Variants in TIE1 observed in about 807,000 individuals in gnomAD.
TIE1 encodes the protein tyrosine-protein kinase receptor Tie-1.
A neutral mutation model predicts 130.5 loss-of-function variants in TIE1; 89 were observed. The observed-to-expected ratio is 0.68, with a 90% CI of 0.57 to 0.81. TIE1 has a LOEUF of 0.81. Ranked by LOEUF, TIE1 falls within the 40% of genes least tolerant of loss-of-function variation. The pLI is 0.00. For synonymous variants in TIE1, 568 were observed against 629.4 expected (o/e 0.90, Z 1.46); for missense variants, 1,392 against 1,559.8 (o/e 0.89, Z 1.81).
intron 1 of TIE1, among the ~76,000 whole-genome samples, chr1:43,302,793 G>T (rs1646682466): frequency 6.6e-6 from 1 of 152,126 alleles, no homozygotes; most frequent in African/African-American, 2.4e-5. Flanking sequence ...GTTGCAGAAG[G>T]AGGGGCTGTG....
Position 43,319,671 on chromosome 1 carries a change from G to C in TIE1, c.3107+142G>C. 1.2e-6 allele frequency: 1 copy of C among 829,652 alleles called. No homozygotes were observed. The allele number at this position is 829,652 out of a possible 1,614,324, so 51.4% of individuals were successfully genotyped here. On this transcript the variant is annotated intron_variant, in intron 19 of 22. Transcript: ENST00000372476. This position sits in a 1 kb window ranked among gnomAD's most constrained non-coding sequence, Gnocchi z 4.7. ...CAGGTGTGACACAGGTGTGTCTTGG[G>C]TATAAAGTACCTAGCCAAGGTGGGG...
rs2153911719 is a variant in TIE1, at chr1:43,311,771, C to T, written c.1434C>T (p.Ser478=). The change falls in exon 10 of 23, where the codon TCC becomes TCT. Residue 478 remains serine, a synonymous_variant. Transcript: ENST00000372476. ...LVSFSGDGPI[S]TVRLHYRPQD... ...CGTTCTCTGGGGATGGACCCATCTC[C>T]ACTGTCCGCCTGCACTACCGGCCCC... 1 of 1,614,152 alleles carries T rather than the reference C, an allele frequency of 6.2e-7. No individual in the cohort carries two copies. Among genetic ancestry groups the T allele is most frequent in the Non-Finnish European group, 8.5e-7 (1 of 1,180,012 alleles).
chr1:43,314,016 A>C (rs1279009564), intron 14 of TIE1, 48 bp downstream of exon 14: 2 of 1,592,068 alleles, frequency 1.3e-6, no homozygotes, highest in Non-Finnish European at 8.6e-7. Context: ...GCCCGTGTTT[A>C]TGTTTCTACC....
chr1:43,313,216 T>C lies in TIE1; in HGVS notation c.2009T>C (p.Leu670Pro). ...CTGACATGGAAGCACCCGGAGGCTC[T>C]GCCTGGGCCAATATCCAAGTACGTT... ...IQLTWKHPEA[L>P]PGPISKYVVE... The change falls in exon 13 of 23, where the codon CTG becomes CCG. Residue 670 changes from leucine to proline, a missense_variant. Physicochemically the swap from Leu to Pro is moderately conservative, Grantham distance 98 (BLOSUM62 -3). Coordinates refer to ENST00000372476, the MANE Select transcript of TIE1 (RefSeq NM_005424.5). The surrounding 1 kb of genome is among the most constrained non-coding windows in gnomAD (Gnocchi z 6.2). 6.2e-7 allele frequency: 1 copy of C among 1,613,956 alleles called. No individual in the cohort carries two copies. Among genetic ancestry groups the C allele is most frequent in the Non-Finnish European group, 8.5e-7 (1 of 1,179,916 alleles).
Position 43,311,707 on chromosome 1 carries a change from C to T in TIE1, c.1370C>T (p.Thr457Ile). The T allele has an allele frequency of 6.2e-7, 1 of 1,613,954 alleles. No homozygotes were observed. Among genetic ancestry groups the T allele is most frequent in the Non-Finnish European group, 8.5e-7 (1 of 1,179,966 alleles). The part of the protein sequence containing the change: ...PVPLAAPRLL[T>I]KQSRQLVVSP... ...CCCCTGGCTGCACCTCGGCTCCTGA[C>T]CAAGCAGAGCCGCCAGCTTGTGGTC... The change falls in exon 10 of 23, where the codon ACC becomes ATC. Residue 457 changes from threonine to isoleucine, a missense_variant. Transcript: ENST00000372476.
intron 7 of TIE1, 200 bp from the exon 8 acceptor site, chr1:43,308,786 A>T (rs549651673): frequency 5.7e-6 from 4 of 706,934 alleles, no homozygotes; most frequent in South Asian, 4.5e-5. Context: ...GGAAGTGGGG[A>T]GGTGGTTAGG....
At chr1:43,302,856 G>A (rs950378065) in intron 1 of TIE1, among the ~76,000 whole-genome samples, 2 of 151,924 alleles carry the variant, frequency 1.3e-5, no homozygotes, top group Admixed American at 6.6e-5. Flanking sequence ...AAGGCAGGCT[G>A]GGGGGGTGGG....
At position 43,312,214 on chromosome 1, in the gene TIE1, G is replaced by A. The variant is rs577496336; in HGVS notation, c.1630+83G>A. Reference sequence around the variant, plus strand: ...CCAGGGACCCCTGCCTTTCCCACTGGAGGTTGTTCTTCCTTGTTCACTGGG... The same window carrying A: ...CCAGGGACCCCTGCCTTTCCCACTGAAGGTTGTTCTTCCTTGTTCACTGGG... On this transcript the variant is annotated intron_variant, in intron 11 of 22. Coordinates refer to ENST00000372476, the MANE Select transcript of TIE1 (RefSeq NM_005424.5). This position sits in a 1 kb window ranked among gnomAD's most constrained non-coding sequence, Gnocchi z 5.6. 3 of 1,513,610 alleles carry A rather than the reference G, an allele frequency of 2.0e-6. No homozygotes were observed. The African/African-American group carries it at 4.2e-5, about 21-fold the overall frequency. 93.8% of individuals were successfully genotyped at this position (1,513,610 alleles called of 1,614,324 possible).
rs1408194086 is a variant in TIE1 at position 43,316,164 on chromosome 1, C to T, written c.2410-1035C>T. Among the ~76,000 whole-genome samples, 1 of 152,242 alleles carries T rather than the reference C, an allele frequency of 6.6e-6. No individual in the cohort carries two copies. Among genetic ancestry groups the T allele is most frequent in the Admixed American group, 6.5e-5 (1 of 15,286 alleles). Reference sequence around the variant, plus strand: ...ATGTATGAGTGCACACGTGCATCCCCTGTGAGTGCCACATGTTTAAATGCG... The same window carrying T: ...ATGTATGAGTGCACACGTGCATCCCTTGTGAGTGCCACATGTTTAAATGCG... On this transcript the variant is annotated intron_variant, in intron 14 of 22. Coordinates refer to ENST00000372476, the MANE Select transcript of TIE1 (RefSeq NM_005424.5). The surrounding 1 kb of genome is among the most constrained non-coding windows in gnomAD (Gnocchi z 4.4).
At chr1:43,305,402 A>C in intron 3 of TIE1, 59 bp downstream of exon 3, 4 of 1,434,300 alleles carry the variant, frequency 2.8e-6, no homozygotes, top group Non-Finnish European at 3.7e-6. Context: ...AGGCCCCAAC[A>C]CTTTCATGAC....
In TIE1 at chr1:43,318,210, G is replaced by A. The variant is rs557587373; in HGVS notation, c.2922+138G>A. 10 of 1,124,338 alleles carry A rather than the reference G, an allele frequency of 8.9e-6. No homozygotes were observed. Among genetic ancestry groups the A allele is most frequent in the South Asian group, 3.4e-5 (2 of 59,664 alleles). The allele number at this position is 1,124,338 out of a possible 1,614,324, so 69.6% of individuals were successfully genotyped here. ...GTGTGTGGGTGGGTGCAAGCACAGC[G>A]AGGAGGCAGGGCCAAGGGGCAGGTC... On this transcript the variant is annotated intron_variant, in intron 17 of 22. Coordinates refer to ENST00000372476, the MANE Select transcript of TIE1 (RefSeq NM_005424.5). This position sits in a 1 kb window ranked among gnomAD's most constrained non-coding sequence, Gnocchi z 4.4.
In TIE1 at chr1:43,312,729, G is replaced by A; in HGVS notation, c.1927+128G>A. The A allele has an allele frequency of 8.7e-7, 1 of 1,146,412 alleles. No homozygotes were observed. Among genetic ancestry groups the A allele is most frequent in the Non-Finnish European group, 1.2e-6 (1 of 828,072 alleles). The allele number at this position is 1,146,412 out of a possible 1,614,324, so 71.0% of individuals were successfully genotyped here. On this transcript the variant is annotated intron_variant, in intron 12 of 22. Transcript: ENST00000372476. The surrounding 1 kb of genome is among the most constrained non-coding windows in gnomAD (Gnocchi z 5.6). ...ATGGAGAGGACACAGGACACACATA[G>A]GGTATTAGGCAGACGTGACCCCAGC...
At chr1:43,321,901 C>T (rs1284060035) in intron 22 of TIE1, among the ~76,000 whole-genome samples, 186 bp downstream of exon 22, 1 of 152,226 alleles carries the variant, frequency 6.6e-6, no homozygotes, top group African/African-American at 2.4e-5. Context: ...GGTTTAGACA[C>T]CAGGCCCTTC....
chr1:43,301,049 T>C lies in TIE1; in HGVS notation c.-23T>C. Reference sequence around the variant, plus strand: ...GACCCCAGGCCCAGCTCGTCCTGGCTGGCCTGGGTCGGCCTCTGGAGTATG... The same window carrying C: ...GACCCCAGGCCCAGCTCGTCCTGGCCGGCCTGGGTCGGCCTCTGGAGTATG... On this transcript the variant is annotated 5_prime_UTR_variant, in exon 1 of 23. Transcript: ENST00000372476. 1 of 1,613,234 alleles carries C rather than the reference T, an allele frequency of 6.2e-7. No individual in the cohort carries two copies. The highest frequency in any genetic ancestry group is 8.5e-7 in the Non-Finnish European group (1 of 1,179,618).
intron 7 of TIE1, 134 bp downstream of exon 7, chr1:43,308,058 G>C: frequency 7.5e-7 from 1 of 1,325,222 alleles, no homozygotes; most frequent in African/African-American, 1.5e-5. Context: ...CTTAGAGTCT[G>C]ATGGACAGGG....
rs1176642415 is a variant in TIE1, at chr1:43,322,100, GAGT to G, written c.3345+386_3345+388del. Among the ~76,000 whole-genome samples, 1 of 152,222 alleles carries G rather than the reference GAGT, an allele frequency of 6.6e-6. No homozygotes were observed. Among genetic ancestry groups the G allele is most frequent in the Non-Finnish European group, 1.5e-5 (1 of 68,038 alleles). The stretch of plus-strand genomic sequence containing the variant: ...TAACCAGATGGATGGATGGGTGAAT[GAGT>G]GATACAGTAACCGTATGAATGAATG... On this transcript the variant is annotated intron_variant, in intron 22 of 22. Coordinates refer to ENST00000372476, the MANE Select transcript of TIE1 (RefSeq NM_005424.5). This position sits in a 1 kb window ranked among gnomAD's most constrained non-coding sequence, Gnocchi z 4.0.
At chr1:43,314,371 T>C in intron 14 of TIE1, 3 of 1,139,612 alleles carry the variant, frequency 2.6e-6, no homozygotes, top group Non-Finnish European at 3.3e-6. Flanking sequence ...ATGCTGGCTT[T>C]TGTCCTTGCA....
In TIE1 at chr1:43,321,253, A is replaced by C; in HGVS notation, c.3108-16A>C. On this transcript the variant is annotated splice_polypyrimidine_tract_variant and intron_variant, in intron 19 of 22. Transcript: ENST00000372476. The stretch of plus-strand genomic sequence containing the variant: ...CAGGGCCTAGAAGGTAACTAAGTGC[A>C]TCCTTCTTATTTCAGCTGGTCCTTT... 1 of 1,613,908 alleles carries C rather than the reference A, an allele frequency of 6.2e-7. No individual in the cohort carries two copies. Among genetic ancestry groups the C allele is most frequent in the Non-Finnish European group, 8.5e-7 (1 of 1,179,854 alleles).
chr1:43,317,689 C>G lies in TIE1; in HGVS notation c.2731+15C>G, dbSNP rs375339705. 3.0e-5 allele frequency: 47 copies of G among 1,555,844 alleles called. No individual in the cohort carries two copies. The highest frequency in any genetic ancestry group is 3.9e-5 in the Non-Finnish European group (45 of 1,147,528). ...TAAGAACCGAGGTGAGCCCCCAGCT[C>G]ATCACCTACCCCTTCTTCCAAACCC... On this transcript the variant is annotated intron_variant, in intron 16 of 22. Transcript: ENST00000372476. The surrounding 1 kb of genome is among the most constrained non-coding windows in gnomAD (Gnocchi z 5.1).
Sources: gnomAD v4.1 joint callset for allele counts (sites outside exome capture counted in the v4.1 genomes callset) on GRCh38, gnomAD v4.1.1 for gene constraint, Gnocchi (gnomAD v3.1) non-coding constraint, MANE v1.5 for transcripts, NCBI Gene and HGNC (gene_info 2026-07-23, HGNC 2026-07-21) for gene names.